Variants in OIP5 observed in about 807,000 individuals in gnomAD.
OIP5 encodes the protein Opa interacting protein 5.
OIP5 carries 24 observed loss-of-function variants against 20.3 expected under a neutral mutation model. The observed-to-expected ratio is 1.18, with a 90% CI of 0.86 to 1.66. The LOEUF (loss-of-function observed/expected upper bound fraction) is 1.66, where lower values mean the gene tolerates loss of function less well. Ranked by LOEUF, OIP5 falls within the 40% of genes most tolerant of loss-of-function variation. The pLI, the probability that OIP5 is intolerant of heterozygous loss-of-function variation, is 0.00. For synonymous variants in OIP5, 143 were observed against 121.3 expected, an observed-to-expected ratio of 1.18 and a Z score of -1.17; for missense variants, 339 against 289.5, an observed-to-expected ratio of 1.17 and a Z score of -1.24.
intron 3 of OIP5, among the ~76,000 whole-genome samples, chr15:41,315,082 ACAGTGAGAC>A (rs1236053379): frequency 6.7e-6 from 1 of 149,558 alleles, no homozygotes; most frequent in Non-Finnish European, 1.5e-5. Flanking sequence ...AGCCTGTGTG[ACAGTGAGAC>A]CCTGTCTCAA....
chr15:41,318,506 G>A (rs910318758), intron 3 of OIP5, among the ~76,000 whole-genome samples: 1 of 151,940 alleles, frequency 6.6e-6, no homozygotes, highest in Non-Finnish European at 1.5e-5. Context: ...ATGTTGCCTA[G>A]GCTGGTCTCA....
At chr15:41,321,924 AAAATAAATAAAT>A (rs148885291) in intron 2 of OIP5, among the ~76,000 whole-genome samples, 12 of 149,622 alleles carry the variant, frequency 8.0e-5, no homozygotes, top group Non-Finnish European at 5.9e-5. Flanking sequence ...GATCAATAAA[AAAATAAATAAAT>A]AAATAAATAA....
Position 41,313,326 on chromosome 15 carries a change from T to A in OIP5, c.541A>T (p.Asn181Tyr). The change falls in exon 4 of 5, where the codon AAT becomes TAT. Residue 181 changes from asparagine (N) to tyrosine (Y), a missense_variant. Asn to Tyr is a moderately radical substitution (Grantham distance 143). Coordinates refer to ENST00000220514, the MANE Select transcript of OIP5 (RefSeq NM_007280.2). ...CYLLKTKAIVNASEMDIQNVP... is the reference protein window; with the variant it reads ...CYLLKTKAIVYASEMDIQNVP... ...TTTTGAATATCCATCTCTGATGCAT[T>A]TACTATGGCTTTTGTTTTTAAGAGA... is the stretch of plus-strand genomic sequence containing the variant. The A allele has an allele frequency of 6.2e-7, 1 of 1,603,002 alleles. No homozygotes were observed. The highest frequency in any genetic ancestry group is 8.5e-7 in the Non-Finnish European group (1 of 1,173,814).
At chr15:41,325,642 G>A (rs1233870536) in intron 2 of OIP5, among the ~76,000 whole-genome samples, 1 of 151,702 alleles carries the variant, frequency 6.6e-6, no homozygotes, top group Non-Finnish European at 1.5e-5. Context: ...TTTGAGGTCA[G>A]GAGTTCAGGA....
chr15:41,327,475 C>A (rs1266022456), intron 2 of OIP5, among the ~76,000 whole-genome samples: 1 of 151,780 alleles, frequency 6.6e-6, no homozygotes, highest in African/African-American at 2.4e-5. Context: ...CTGTACCCAG[C>A]CAGAATTGGG....
chr15:41,309,928 G>T, intron 4 of OIP5, 79 bp from the exon 5 acceptor site: 1 of 941,424 alleles, frequency 1.1e-6, no homozygotes, highest in Non-Finnish European at 1.6e-6. Flanking sequence ...TCACTCTGTT[G>T]CCTGAGCTGG....
intron 2 of OIP5, among the ~76,000 whole-genome samples, chr15:41,320,114 A>T (rs1340172575): frequency 2.0e-5 from 3 of 152,248 alleles, no homozygotes; most frequent in African/African-American, 7.2e-5. Context: ...CAAATCATGT[A>T]AAATGGCTAT....
intron 2 of OIP5, among the ~76,000 whole-genome samples, chr15:41,330,887 A>G (rs547292373): frequency 6.6e-6 from 1 of 152,168 alleles, no homozygotes; most frequent in African/African-American, 2.4e-5. Context: ...GAGCACATTC[A>G]GGAACCTTCT....
chr15:41,330,656 GCCTC>G (rs995891491), intron 2 of OIP5, among the ~76,000 whole-genome samples: 1 of 152,064 alleles, frequency 6.6e-6, no homozygotes, highest in Non-Finnish European at 1.5e-5. Flanking sequence ...GCCCGCCTCG[GCCTC>G]CCAAAGTGCT....
Position 41,309,723 on chromosome 15 carries a change from C to T in OIP5, c.*31G>A, listed in dbSNP as rs756041383. The T allele has an allele frequency of 6.9e-7, 1 of 1,459,646 alleles. No individual in the cohort carries two copies. Among genetic ancestry groups the T allele is most frequent in the East Asian group, 2.3e-5 (1 of 44,080 alleles). 90.4% of individuals were successfully genotyped at this position (1,459,646 alleles called of 1,614,324 possible). ...CTGTTGTTGAAGACAGCAATAAAGCCTGAACCTGACACTCAAGCTTTGGTA... is the reference window on the plus strand; with the variant it reads ...CTGTTGTTGAAGACAGCAATAAAGCTTGAACCTGACACTCAAGCTTTGGTA... On this transcript the variant is annotated 3_prime_UTR_variant, in exon 5 of 5. Transcript: ENST00000220514.
At chr15:41,329,575 A>C (rs1056131408) in intron 2 of OIP5, among the ~76,000 whole-genome samples, 2 of 151,998 alleles carry the variant, frequency 1.3e-5, no homozygotes, top group Non-Finnish European at 2.9e-5. Flanking sequence ...TGGCCTCCCA[A>C]AGTGCTGGGA....
rs897489918 is a variant in OIP5, at chr15:41,319,696, C to A, written c.474G>T (p.Leu158Phe). ...LYSTHAALAALRGHFCLSSDK... is the reference protein window; with the variant it reads ...LYSTHAALAAFRGHFCLSSDK... Reference sequence around the variant, plus strand: ...CACTGGAAAGGCAGAAGTGACCTCTCAAGGCAGCCAGGGCAGCATGGGTAG... The same window carrying A: ...CACTGGAAAGGCAGAAGTGACCTCTAAAGGCAGCCAGGGCAGCATGGGTAG... The change falls in exon 3 of 5, where the codon TTG becomes TTT. Residue 158 changes from leucine (L) to phenylalanine (F), a missense_variant. Coordinates refer to ENST00000220514, the MANE Select transcript of OIP5 (RefSeq NM_007280.2). 43 of 1,613,770 alleles carry A rather than the reference C, an allele frequency of 2.7e-5. No individual in the cohort carries two copies. The highest frequency in any genetic ancestry group is 3.3e-5 in the Non-Finnish European group (39 of 1,179,880).
chr15:41,319,266 A>C (rs1361025386), intron 3 of OIP5, among the ~76,000 whole-genome samples: 1 of 149,616 alleles, frequency 6.7e-6, no homozygotes, highest in Non-Finnish European at 1.5e-5. Flanking sequence ...TTTGGACAGA[A>C]TCTCACTATG....
chr15:41,314,457 T>C (rs998112100), intron 3 of OIP5, among the ~76,000 whole-genome samples: 3 of 151,974 alleles, frequency 2.0e-5, no homozygotes, highest in African/African-American at 7.2e-5. Context: ...TACTGTTACA[T>C]ATTTGCTTTC....
chr15:41,326,830 G>C (rs1241487183), intron 2 of OIP5, among the ~76,000 whole-genome samples: 1 of 152,158 alleles, frequency 6.6e-6, no homozygotes, highest in Non-Finnish European at 1.5e-5. Context: ...GCATCACCTA[G>C]CTTGCTGGGC....
At chr15:41,330,085 C>G (rs957538732) in intron 2 of OIP5, among the ~76,000 whole-genome samples, 2 of 151,902 alleles carry the variant, frequency 1.3e-5, no homozygotes, top group Admixed American at 6.6e-5. Context: ...TGTCATTTCA[C>G]CATGTAATCA....
At chr15:41,329,450 G>A (rs1199042036) in intron 2 of OIP5, among the ~76,000 whole-genome samples, 1 of 151,602 alleles carries the variant, frequency 6.6e-6, no homozygotes, top group Non-Finnish European at 1.5e-5. Context: ...CAAGTAGCTG[G>A]GACTATAGGC....
At chr15:41,323,300 C>T (rs2047841528) in intron 2 of OIP5, among the ~76,000 whole-genome samples, 1 of 152,134 alleles carries the variant, frequency 6.6e-6, no homozygotes, top group Non-Finnish European at 1.5e-5. Context: ...GCCTGGTCAA[C>T]ATGGTGAAAC....
intron 3 of OIP5, among the ~76,000 whole-genome samples, chr15:41,314,313 G>A (rs1393047585): frequency 6.6e-6 from 1 of 152,124 alleles, no homozygotes; most frequent in Non-Finnish European, 1.5e-5. Context: ...TGTTGGCGAG[G>A]CTGGTCTCGA....
Sources: allele counts gnomAD v4.1 joint callset (sites outside exome capture counted in the v4.1 genomes callset), GRCh38; gene constraint gnomAD v4.1.1; transcripts MANE v1.5; gene names NCBI Gene and HGNC (gene_info 2026-07-23, HGNC 2026-07-21).